Variants in DTNB observed in about 807,000 individuals in gnomAD.
DTNB encodes the protein DTN-B.
DTNB carries 63 observed loss-of-function variants against 90.7 expected under a neutral mutation model. The observed-to-expected ratio is 0.69, with a 90% CI of 0.57 to 0.86. The LOEUF (loss-of-function observed/expected upper bound fraction) is 0.86. Ranked by LOEUF, DTNB falls within the 40% of genes least tolerant of loss-of-function variation. The pLI, the probability that DTNB is intolerant of heterozygous loss-of-function variation, is 0.00. For missense variants in DTNB, 744 were observed against 807.1 expected (o/e 0.92, Z 0.95); for synonymous variants, 277 against 286.7 (o/e 0.97, Z 0.34).
intron 8 of DTNB, among the ~76,000 whole-genome samples, chr2:25,532,132 G>C (rs2150922718): frequency 6.6e-6 from 1 of 151,760 alleles, no homozygotes; most frequent in South Asian, 2.1e-4. Context: ...TGTAATCCGT[G>C]CTACATGGGA....
At chr2:25,580,919 T>A (rs1174877809) in intron 6 of DTNB, 93 bp from the exon 7 acceptor site, 1 of 1,011,446 alleles carries the variant, frequency 9.9e-7, no homozygotes, top group African/African-American at 1.6e-5. Context: ...CAAACTTTAG[T>A]GAATTACACG....
chr2:25,564,982 AATTT>A (rs2058797534), intron 8 of DTNB, among the ~76,000 whole-genome samples: 2 of 152,118 alleles, frequency 1.3e-5, no homozygotes, highest in Admixed American at 6.5e-5. Flanking sequence ...AAACTTGGTA[AATTT>A]ATTATCTATA....
chr2:25,642,433 T>TA (rs3041436), intron 2 of DTNB, among the ~76,000 whole-genome samples: 4 of 151,778 alleles, frequency 2.6e-5, no homozygotes, highest in Non-Finnish European at 4.4e-5. Flanking sequence ...TTTTTTTTTT[T>TA]AGACAGGGTC....
chr2:25,382,500 G>C (rs2149502397), intron 19 of DTNB, among the ~76,000 whole-genome samples: 1 of 136,806 alleles, frequency 7.3e-6, no homozygotes, highest in East Asian at 2.3e-4. Flanking sequence ...TTTGGAGTCA[G>C]AAAGACCCAG....
chr2:25,601,914 G>A (rs1016859526), intron 5 of DTNB, among the ~76,000 whole-genome samples: 4 of 152,032 alleles, frequency 2.6e-5, no homozygotes, highest in Non-Finnish European at 5.9e-5. Context: ...CTGAGGTCAG[G>A]AGTTCAAGAC....
chr2:25,435,335 T>C (rs776818660), intron 12 of DTNB, among the ~76,000 whole-genome samples: 7 of 152,194 alleles, frequency 4.6e-5, no homozygotes, highest in Non-Finnish European at 8.8e-5. Flanking sequence ...TCAGTAGTTT[T>C]AATGTATTCA....
intron 9 of DTNB, among the ~76,000 whole-genome samples, chr2:25,485,552 C>A (rs551779886): frequency 6.6e-6 from 1 of 152,256 alleles, no homozygotes; most frequent in East Asian, 1.9e-4. Context: ...CAAAACCAGA[C>A]AGTAATGGCT....
At chr2:25,616,593 T>C (rs1316212094) in intron 4 of DTNB, among the ~76,000 whole-genome samples, 1 of 142,614 alleles carries the variant, frequency 7.0e-6, no homozygotes, top group African/African-American at 2.6e-5. Flanking sequence ...AAAGAATCTG[T>C]TAATTTACAG....
At chr2:25,662,135 G>A (rs1011667060) in intron 1 of DTNB, among the ~76,000 whole-genome samples, 9 of 147,922 alleles carry the variant, frequency 6.1e-5, no homozygotes, top group Non-Finnish European at 1.3e-4. Context: ...CAGCCTGGGT[G>A]ACAGAGCGAG....
At chr2:25,573,704 AAT>A (rs1349670450) in intron 8 of DTNB, among the ~76,000 whole-genome samples, 1 of 152,110 alleles carries the variant, frequency 6.6e-6, no homozygotes, top group Non-Finnish European at 1.5e-5. Context: ...ACATTTACCA[AAT>A]TGGTTACCAC....
At chr2:25,586,617 A>G (rs1229522246) in intron 6 of DTNB, among the ~76,000 whole-genome samples, 1 of 151,986 alleles carries the variant, frequency 6.6e-6, no homozygotes, top group Non-Finnish European at 1.5e-5. Context: ...GCTGAAGGAG[A>G]GCAAGGTCCC....
chr2:25,573,130 A>G (rs941077978), intron 8 of DTNB, among the ~76,000 whole-genome samples: 1 of 152,124 alleles, frequency 6.6e-6, no homozygotes, highest in African/African-American at 2.4e-5. Context: ...TAATTTTAGT[A>G]GAGACAGGGT....
At chr2:25,391,090 GT>G (rs1161592851) in intron 16 of DTNB, among the ~76,000 whole-genome samples, 1 of 151,492 alleles carries the variant, frequency 6.6e-6, no homozygotes, top group African/African-American at 2.4e-5. Context: ...TAGAGACAGG[GT>G]TTCACCATGT....
Position 25,387,482 on chromosome 2 carries a change from G to A in DTNB, c.1736-104C>T, listed in dbSNP as rs569416842. The A allele has an allele frequency of 1.1e-4, 122 of 1,062,832 alleles. 1 individual carries two copies. The Middle Eastern group carries it at 1.4e-3, about 12-fold the overall frequency. 65.8% of individuals were successfully genotyped at this position (1,062,832 alleles called of 1,614,324 possible). A position where few individuals can be genotyped will look rare whatever the true frequency, so the allele number is the denominator to read the frequency against. ...TGCCAGGCCCGAGAACACAGGTGTG[G>A]AACACCTAAGGGGAGATGGGGCCAC... On this transcript the variant is annotated intron_variant, in intron 17 of 20. Transcript: ENST00000406818. The surrounding 1 kb of genome is among the most constrained non-coding windows in gnomAD (Gnocchi z 4.5).
chr2:25,392,481 A>T (rs2149575179), intron 16 of DTNB, among the ~76,000 whole-genome samples: 1 of 152,350 alleles, frequency 6.6e-6, no homozygotes, highest in South Asian at 2.1e-4. Context: ...AAAGATAAAT[A>T]AAATTGATAG....
intron 6 of DTNB, among the ~76,000 whole-genome samples, chr2:25,581,498 A>G (rs987512930): frequency 1.3e-5 from 2 of 152,168 alleles, no homozygotes; most frequent in African/African-American, 4.8e-5. Context: ...CTCCTGTTAT[A>G]CCATCTCCCT....
chr2:25,592,145 T>C (rs2063706722), intron 6 of DTNB, among the ~76,000 whole-genome samples: 1 of 152,032 alleles, frequency 6.6e-6, no homozygotes, highest in South Asian at 2.1e-4. Flanking sequence ...ATTTTTGCTT[T>C]CGCTTTCCCT....
intron 4 of DTNB, among the ~76,000 whole-genome samples, chr2:25,623,892 T>C (rs2073454488): frequency 6.6e-6 from 1 of 152,134 alleles, no homozygotes; most frequent in Non-Finnish European, 1.5e-5. Flanking sequence ...CCTGCAACCA[T>C]CTGAGTGGAC....
At chr2:25,631,373 C>A (rs1014824004) in intron 3 of DTNB, among the ~76,000 whole-genome samples, 1 of 151,950 alleles carries the variant, frequency 6.6e-6, no homozygotes, top group Non-Finnish European at 1.5e-5. Context: ...GAGTTCATGA[C>A]CAGCCTGGAG....
Sources: gnomAD v4.1 joint callset for allele counts (sites outside exome capture counted in the v4.1 genomes callset) on GRCh38, gnomAD v4.1.1 for gene constraint, Gnocchi (gnomAD v3.1) non-coding constraint, MANE v1.5 for transcripts, NCBI Gene and HGNC (gene_info 2026-07-23, HGNC 2026-07-21) for gene names.